Variants in PSMA1 observed in about 807,000 individuals in gnomAD.
The protein encoded by PSMA1 is proteasome 20S subunit alpha 1.
Under a neutral mutation model 38.4 loss-of-function variants are expected in PSMA1, and 3 were observed. The ratio of observed to expected loss-of-function variants is 0.08; its 90% confidence interval spans 0.04 to 0.20. PSMA1 has a LOEUF of 0.20. PSMA1 is among the 10% of genes least tolerant of loss of function. The probability of loss-of-function intolerance (pLI) is 1.00; values close to 1 mark genes in which losing one functional copy is unlikely to be tolerated. For missense variants in PSMA1, 227 were observed against 325.3 expected, an observed-to-expected ratio of 0.70 and a Z score of 2.32; for synonymous variants, 101 against 107.1, an observed-to-expected ratio of 0.94 and a Z score of 0.35.
chr11:14,537,953 C>A (rs1158290111), intron 2 of PSMA1, among the ~76,000 whole-genome samples: 1 of 152,108 alleles, frequency 6.6e-6, no homozygotes, highest in Non-Finnish European at 1.5e-5. Context: ...AAGTGATCCG[C>A]CTGCCTCGGA....
At chr11:14,587,190 G>C (rs1852357669) in intron 2 of PSMA1, among the ~76,000 whole-genome samples, 1 of 152,108 alleles carries the variant, frequency 6.6e-6, no homozygotes, top group South Asian at 2.1e-4. Context: ...CCTCTCACAG[G>C]CTGTCTTGTT....
At chr11:14,619,404 A>C (rs1231951229) in intron 1 of PSMA1, among the ~76,000 whole-genome samples, 3 of 152,052 alleles carry the variant, frequency 2.0e-5, no homozygotes, top group African/African-American at 7.2e-5. Flanking sequence ...GTGCCACTGA[A>C]CTCCAACCTG....
intron 1 of PSMA1, among the ~76,000 whole-genome samples, chr11:14,634,546 T>C (rs905166809): frequency 9.2e-5 from 14 of 152,042 alleles, no homozygotes; most frequent in Non-Finnish European, 2.9e-5. Context: ...GGTTTCACTA[T>C]GTTGCCCAGG....
intron 2 of PSMA1, among the ~76,000 whole-genome samples, chr11:14,535,672 C>A (rs545721647): frequency 3.3e-5 from 5 of 151,610 alleles, no homozygotes; most frequent in African/African-American, 1.2e-4. Context: ...CTCGAACTCC[C>A]GATCTCAGGT....
intron 1 of PSMA1, among the ~76,000 whole-genome samples, chr11:14,620,458 A>G (rs1852830872): frequency 1.3e-5 from 2 of 152,178 alleles, no homozygotes; most frequent in African/African-American, 4.8e-5. Flanking sequence ...TCAGCAAAAG[A>G]GAGTTTCCAC....
intron 2 of PSMA1, among the ~76,000 whole-genome samples, chr11:14,589,213 A>G (rs949511970): frequency 6.6e-6 from 1 of 152,106 alleles, no homozygotes; most frequent in African/African-American, 2.4e-5. Flanking sequence ...GAAGTTAAAT[A>G]TTCTTTCTCC....
chr11:14,631,000 T>C (rs1328800558), intron 1 of PSMA1, among the ~76,000 whole-genome samples: 3 of 152,242 alleles, frequency 2.0e-5, no homozygotes, highest in African/African-American at 7.2e-5. Context: ...TTCTGTAGGA[T>C]TGGTGGTGAT....
intron 1 of PSMA1, among the ~76,000 whole-genome samples, chr11:14,617,791 C>CT (rs1474619418): frequency 6.6e-6 from 1 of 151,816 alleles, no homozygotes; most frequent in African/African-American, 2.4e-5. Context: ...TGACTCATGG[C>CT]TTTACTGAAA....
chr11:14,555,516 G>C (rs1851933313), intron 2 of PSMA1, among the ~76,000 whole-genome samples: 1 of 151,994 alleles, frequency 6.6e-6, no homozygotes, highest in African/African-American at 2.4e-5. Context: ...CAAATCCAAG[G>C]CTTTTAACAA....
In PSMA1 at chr11:14,534,507, C is replaced by T. The variant is rs1851682094; in HGVS notation, c.22-15466G>A. ...TTAATTTATTTGTTTATTTTTAGGA[C>T]AGGCTTTTGCTCTGTTGCCCAGGCT... On this transcript the variant is annotated intron_variant, in intron 2 of 10. Coordinates refer to the PSMA1 transcript ENST00000418988. This position sits in a 1 kb window ranked among gnomAD's most constrained non-coding sequence, Gnocchi z 4.5. Among the ~76,000 whole-genome samples the T allele has an allele frequency of 6.6e-6, 1 of 152,086 alleles. No homozygotes were observed. The highest frequency in any genetic ancestry group is 6.6e-5 in the Admixed American group (1 of 15,266).
upstream of PSMA1, among the ~76,000 whole-genome samples, chr11:14,521,368 T>C (rs1851527311): frequency 6.6e-6 from 1 of 150,524 alleles, no homozygotes; most frequent in South Asian, 2.1e-4. Context: ...GGCATGGGCC[T>C]GTGGTCCCAG....
chr11:14,610,826 CTT>C, intron 2 of PSMA1: 1 of 785,406 alleles, frequency 1.3e-6, no homozygotes, highest in Non-Finnish European at 2.0e-6. Context: ...AGACATTTTT[CTT>C]TTTTTCTCTT....
chr11:14,517,767 T>C (rs752018118), intron 3 of PSMA1, 22 bp from the exon 4 acceptor site: 43 of 1,404,398 alleles, frequency 3.1e-5, no homozygotes, highest in Non-Finnish European at 3.9e-5. Context: ...CATTATAAGA[T>C]GTAAAAAAAA....
chr11:14,540,078 G>A (rs2134163984), intron 2 of PSMA1, among the ~76,000 whole-genome samples: 1 of 152,298 alleles, frequency 6.6e-6, no homozygotes, highest in African/African-American at 2.4e-5. Flanking sequence ...CTGGCACAGG[G>A]TTTCCATTTG....
At chr11:14,538,341 A>G (rs1249517400) in intron 2 of PSMA1, among the ~76,000 whole-genome samples, 3 of 152,166 alleles carry the variant, frequency 2.0e-5, no homozygotes, top group Admixed American at 6.5e-5. Flanking sequence ...GTCTTAAACT[A>G]AAGACTTTTC....
At chr11:14,520,256 A>G (rs748857415) in intron 1 of PSMA1, 41 bp downstream of exon 1, 1 of 1,613,668 alleles carries the variant, frequency 6.2e-7, no homozygotes, top group Non-Finnish European at 8.5e-7. Flanking sequence ...CAGTCACCAG[A>G]GCTCTGCCCT....
intron 2 of PSMA1, among the ~76,000 whole-genome samples, chr11:14,536,521 C>T (rs1039484336): frequency 3.3e-5 from 5 of 151,360 alleles, no homozygotes; most frequent in African/African-American, 7.3e-5. Flanking sequence ...AGCGAGACTC[C>T]GACTCCAAAA....
chr11:14,528,636 C>T (rs952516878), intron 2 of PSMA1, among the ~76,000 whole-genome samples: 6 of 152,096 alleles, frequency 3.9e-5, no homozygotes, highest in Non-Finnish European at 5.9e-5. Flanking sequence ...GAAGGTCAGG[C>T]CTCTGAGCCC....
intron 2 of PSMA1, among the ~76,000 whole-genome samples, chr11:14,592,264 G>A (rs543921519): frequency 2.0e-5 from 3 of 151,980 alleles, no homozygotes; most frequent in Admixed American, 6.6e-5. Context: ...CACCAATTCC[G>A]GACACACCAG....
Sources: gnomAD v4.1 joint callset for allele counts (sites outside exome capture counted in the v4.1 genomes callset) on GRCh38, gnomAD v4.1.1 for gene constraint, Gnocchi (gnomAD v3.1) non-coding constraint, MANE v1.5 for transcripts, NCBI Gene and HGNC (gene_info 2026-07-23, HGNC 2026-07-21) for gene names.